The following IMPG1 variants were observed in gnomAD, a reference collection of about 807,000 sequenced individuals.
The protein encoded by IMPG1 is interphotoreceptor matrix proteoglycan 1.
A neutral mutation model predicts 92.0 loss-of-function variants in IMPG1; 85 were observed. The observed-to-expected ratio is 0.92, with a 90% CI of 0.78 to 1.11. The LOEUF (loss-of-function observed/expected upper bound fraction) is 1.11, where lower values mean the gene tolerates loss of function less well. Among genes scored for constraint, IMPG1 ranks in the 50% least tolerant of loss-of-function variants. IMPG1 has a pLI of 0.00. For missense variants in IMPG1, 1,022 were observed against 956.0 expected, an observed-to-expected ratio of 1.07 and a Z score of -0.91; for synonymous variants, 367 against 334.1, an observed-to-expected ratio of 1.10 and a Z score of -1.08.
At chr6:76,017,436 G>C (rs1017534347) in intron 7 of IMPG1, among the ~76,000 whole-genome samples, 26 of 152,210 alleles carry the variant, frequency 1.7e-4, no homozygotes, top group Admixed American at 5.9e-4. Flanking sequence ...TCTTTAAATT[G>C]CATCAAACTG....
rs974835712 is a variant in IMPG1, at chr6:76,018,698, T to C, written c.807+20A>G. ...TCAGTCACAGCTTGAGGTGTGGTTGTATGGGCCGGGTCTACTCACCTGAAG... is the reference window on the plus strand; with the variant it reads ...TCAGTCACAGCTTGAGGTGTGGTTGCATGGGCCGGGTCTACTCACCTGAAG... On this transcript the variant is annotated intron_variant, in intron 7 of 16. Coordinates refer to ENST00000369950, the MANE Select transcript of IMPG1 (RefSeq NM_001563.4). 1.4e-5 allele frequency: 23 copies of C among 1,609,266 alleles called. No homozygotes were observed. The highest frequency in any genetic ancestry group is 1.7e-5 in the Non-Finnish European group (20 of 1,177,528).
intron 12 of IMPG1, among the ~76,000 whole-genome samples, chr6:75,985,410 A>G (rs1782699395): frequency 6.6e-6 from 1 of 152,226 alleles, no homozygotes; most frequent in South Asian, 2.1e-4. Flanking sequence ...GAATACACAC[A>G]GGTAGCCAGC....
chr6:75,973,859 C>T (rs1314057653), intron 12 of IMPG1, among the ~76,000 whole-genome samples: 1 of 152,230 alleles, frequency 6.6e-6, no homozygotes, highest in South Asian at 2.1e-4. Context: ...GGAGACCTAA[C>T]AACTCTCATT....
At chr6:75,951,497 C>T (rs536492077) in intron 12 of IMPG1, among the ~76,000 whole-genome samples, 1 of 152,158 alleles carries the variant, frequency 6.6e-6, no homozygotes, top group Non-Finnish European at 1.5e-5. Context: ...ATCCCTCATC[C>T]CCGTATAGAA....
At chr6:75,974,395 T>C (rs868564935) in intron 12 of IMPG1, among the ~76,000 whole-genome samples, 3,269 of 105,298 alleles carry the variant, frequency 0.031, 158 homozygotes, top group Non-Finnish European at 0.044. Context: ...TTCTTTCTTT[T>C]CTTTCTTTCC....
intron 12 of IMPG1, among the ~76,000 whole-genome samples, chr6:75,998,943 G>A (rs796425016): frequency 1.3e-5 from 2 of 152,062 alleles, no homozygotes; most frequent in African/African-American, 4.8e-5. Flanking sequence ...TGCAACCTCT[G>A]CCTCCCAGGT....
At chr6:75,927,419 T>G (rs755328218) in intron 15 of IMPG1, among the ~76,000 whole-genome samples, 1 of 152,084 alleles carries the variant, frequency 6.6e-6, no homozygotes, top group Non-Finnish European at 1.5e-5. Flanking sequence ...CAGCTAATCC[T>G]TATATAAATA....
At chr6:76,027,843 A>C (rs1157611486) in intron 4 of IMPG1, among the ~76,000 whole-genome samples, 1 of 152,222 alleles carries the variant, frequency 6.6e-6, no homozygotes, top group Non-Finnish European at 1.5e-5. Flanking sequence ...ATTTATGGCT[A>C]TCTGGAATTA....
At chr6:76,062,611 T>C (rs1784225474) in intron 1 of IMPG1, among the ~76,000 whole-genome samples, 1 of 152,200 alleles carries the variant, frequency 6.6e-6, no homozygotes, top group South Asian at 2.1e-4. Context: ...TGAATTTAGC[T>C]AAACACCCAA....
chr6:75,990,679 C>T (rs1001959217), intron 12 of IMPG1, among the ~76,000 whole-genome samples: 11 of 151,976 alleles, frequency 7.2e-5, no homozygotes, highest in Non-Finnish European at 1.3e-4. Context: ...TGATGTGACC[C>T]GTCACTTTGA....
At chr6:75,955,642 T>C (rs1471113943) in intron 12 of IMPG1, among the ~76,000 whole-genome samples, 1 of 152,214 alleles carries the variant, frequency 6.6e-6, no homozygotes, top group Non-Finnish European at 1.5e-5. Flanking sequence ...CTATGTTGAA[T>C]AGGAATGGTG....
At chr6:75,942,581 G>A (rs542216751) in intron 14 of IMPG1, among the ~76,000 whole-genome samples, 84 of 152,252 alleles carry the variant, frequency 5.5e-4, no homozygotes, top group Middle Eastern at 3.4e-3. Flanking sequence ...TCTTCACTCC[G>A]GATCCAGGGT....
At chr6:75,997,647 T>C (rs1782924900) in intron 12 of IMPG1, among the ~76,000 whole-genome samples, 1 of 152,184 alleles carries the variant, frequency 6.6e-6, no homozygotes, top group South Asian at 2.1e-4. Flanking sequence ...GGAGGGCACA[T>C]ATCCTCCAGG....
intron 12 of IMPG1, among the ~76,000 whole-genome samples, chr6:75,983,480 G>T (rs1466918500): frequency 6.6e-6 from 1 of 152,142 alleles, no homozygotes; most frequent in Non-Finnish European, 1.5e-5. Flanking sequence ...ATGGGGAAAG[G>T]ACAGTCTCTT....
At chr6:76,029,657 T>A (rs1017495947) in intron 4 of IMPG1, among the ~76,000 whole-genome samples, 2 of 152,206 alleles carry the variant, frequency 1.3e-5, no homozygotes, top group Non-Finnish European at 2.9e-5. Context: ...ATTCTGGTTC[T>A]GAGCAATTAT....
chr6:76,028,216 T>C (rs971099060), intron 4 of IMPG1, among the ~76,000 whole-genome samples: 1 of 152,240 alleles, frequency 6.6e-6, no homozygotes, highest in Non-Finnish European at 1.5e-5. Flanking sequence ...GTAACTACAC[T>C]GGACGTTTTG....
At chr6:75,926,977 A>G (rs1275208612) in intron 15 of IMPG1, among the ~76,000 whole-genome samples, 1 of 152,202 alleles carries the variant, frequency 6.6e-6, no homozygotes, top group Non-Finnish European at 1.5e-5. Context: ...TCATTTCCCT[A>G]TCTCATCACT....
intron 15 of IMPG1, among the ~76,000 whole-genome samples, chr6:75,927,155 C>T (rs1781569106): frequency 6.6e-6 from 1 of 152,140 alleles, no homozygotes. Flanking sequence ...TTGACAGAAA[C>T]AGCTCCAATA....
At chr6:75,949,999 C>T (rs771936153) in intron 13 of IMPG1, among the ~76,000 whole-genome samples, 3 of 152,020 alleles carry the variant, frequency 2.0e-5, no homozygotes, top group South Asian at 2.1e-4. Flanking sequence ...ACAAAATAAA[C>T]GTGAGTTTGG....
Sources: allele counts gnomAD v4.1 joint callset (sites outside exome capture counted in the v4.1 genomes callset), GRCh38; gene constraint gnomAD v4.1.1; transcripts MANE v1.5; gene names NCBI Gene and HGNC (gene_info 2026-07-23, HGNC 2026-07-21).